RIPK4: variants seen among roughly 807,000 people sequenced by gnomAD.
RIPK4 encodes receptor interacting serine/threonine kinase 4.
Under a neutral mutation model 42.9 loss-of-function variants are expected in RIPK4, and 17 were observed. The observed-to-expected ratio is 0.40, with a 90% CI of 0.27 to 0.59. RIPK4 has a LOEUF of 0.59. RIPK4 is among the 20% of genes least tolerant of loss of function. The pLI, the probability that RIPK4 is intolerant of heterozygous loss-of-function variation, is 0.47. For synonymous variants in RIPK4, 498 were observed against 499.1 expected, an observed-to-expected ratio of 1.00 and a Z score of 0.03; for missense variants, 897 against 1,104.4, an observed-to-expected ratio of 0.81 and a Z score of 2.66.
intron 1 of RIPK4, among the ~76,000 whole-genome samples, chr21:41,761,637 C>G (rs2061220666): frequency 6.6e-6 from 1 of 152,184 alleles, no homozygotes; most frequent in Non-Finnish European, 1.5e-5. Flanking sequence ...AGAGGCCAGC[C>G]ATTCGCAAGG....
In RIPK4 at chr21:41,741,742, C is replaced by G; in HGVS notation, c.1451G>C (p.Arg484Pro). The G allele has an allele frequency of 1.2e-6, 2 of 1,612,492 alleles. No individual in the cohort carries two copies. Among genetic ancestry groups the G allele is most frequent in the Non-Finnish European group, 1.7e-6 (2 of 1,180,002 alleles). The change falls in exon 8 of 8, where the codon CGG becomes CCG. Residue 484 changes from arginine to proline, a missense_variant. By Grantham distance (103) the Arg-to-Pro change is moderately radical. Transcript: ENST00000332512. ...PLHMAVERRV[R>P]GVVELLLARK... is the part of the protein sequence containing the mutation. The stretch of plus-strand genomic sequence containing the variant: ...CGCCAGCAGGAGCTCCACGACACCC[C>G]GCACCCTCCTCTCCACGGCCATGTG...
At chr21:41,766,814 C>G in intron 1 of RIPK4, 46 bp downstream of exon 1, 1 of 1,570,284 alleles carries the variant, frequency 6.4e-7, no homozygotes, top group Non-Finnish European at 8.6e-7. Flanking sequence ...GACCCCGACC[C>G]CAGCCCGGGC....
In RIPK4 at chr21:41,744,163, G is replaced by A. The variant is rs537107292; in HGVS notation, c.937-23C>T. The A allele has an allele frequency of 1.2e-4, 185 of 1,557,320 alleles. 1 individual carries two copies. In the South Asian group the frequency reaches 2.1e-3, roughly 18 times the overall value. ...CACCTGCGAAGATGCAGAAGAGGGG[G>A]TGGGTGAAGACCCTGCCATAGACCG... On this transcript the variant is annotated intron_variant, in intron 6 of 7. Coordinates refer to ENST00000332512, the MANE Select transcript of RIPK4 (RefSeq NM_020639.3).
chr21:41,740,775 C>T lies in RIPK4; in HGVS notation c.*63G>A, dbSNP rs1184303193. The stretch of plus-strand genomic sequence containing the variant: ...GGCCCCACGCAGGATCGTTCCATCC[C>T]CACGAGGAACACAGGACAGGACAAG... On this transcript the variant is annotated 3_prime_UTR_variant, in exon 8 of 8. Coordinates refer to ENST00000332512, the MANE Select transcript of RIPK4 (RefSeq NM_020639.3). The T allele has an allele frequency of 2.7e-6, 4 of 1,481,332 alleles. No individual in the cohort carries two copies. The highest frequency in any genetic ancestry group is 2.7e-6 in the Non-Finnish European group (3 of 1,109,454). 91.8% of individuals were successfully genotyped at this position (1,481,332 alleles called of 1,614,324 possible).
Position 41,746,674 on chromosome 21 carries a change from G to A in RIPK4, c.771C>T (p.His257=), listed in dbSNP as rs775801568. ...VCRARPRACS[H]LIRLMQRCWQ... ...AGCACCGCTGCATGAGGCGTATCAG[G>A]TGGCTGCAGGCGCGCGGCCGGGCTC... Residue 257 remains histidine (H), a synonymous_variant, in exon 5 of 8, where the codon CAC becomes CAT. Coordinates refer to ENST00000332512, the MANE Select transcript of RIPK4 (RefSeq NM_020639.3). 1 of 1,611,280 alleles carries A rather than the reference G, an allele frequency of 6.2e-7. No homozygotes were observed. The highest frequency in any genetic ancestry group is 1.3e-5 in the African/African-American group (1 of 74,952).
chr21:41,741,577 G>T lies in RIPK4; in HGVS notation c.1616C>A (p.Thr539Lys). Residue 539 changes from threonine to lysine, a missense_variant, in exon 8 of 8, where the codon ACG becomes AAG. Transcript: ENST00000332512. ...SVNEVDFEGR[T>K]PMHVACQHGQ... The stretch of plus-strand genomic sequence containing the variant: ...GTGCTGGCAGGCCACGTGCATGGGC[G>T]TCCGGCCCTCAAAGTCCACCTCGTT... 1 of 1,611,782 alleles carries T rather than the reference G, an allele frequency of 6.2e-7. No homozygotes were observed. The highest frequency in any genetic ancestry group is 1.1e-5 in the South Asian group (1 of 91,088).
intron 3 of RIPK4, among the ~76,000 whole-genome samples, chr21:41,749,511 T>C (rs1256156863): frequency 1.3e-5 from 2 of 152,218 alleles, no homozygotes; most frequent in Non-Finnish European, 2.9e-5. Context: ...GAACAGCGCC[T>C]GTGTGCCTCA....
intron 1 of RIPK4, among the ~76,000 whole-genome samples, chr21:41,757,521 C>CA (rs1214240363): frequency 0.024 from 2,629 of 107,750 alleles, 70 homozygotes; most frequent in African/African-American, 0.08. Context: ...AACTCCATCT[C>CA]AAAAAAAAAA....
intron 1 of RIPK4, among the ~76,000 whole-genome samples, chr21:41,757,730 A>G (rs943080566): frequency 2.7e-5 from 4 of 150,664 alleles, no homozygotes; most frequent in Admixed American, 1.3e-4. Flanking sequence ...GCCGGGTGTG[A>G]TGGCTCATGC....
chr21:41,755,060 A>T lies in RIPK4; in HGVS notation c.474+1465T>A, dbSNP rs2061199241. Among the ~76,000 whole-genome samples the T allele has an allele frequency of 6.6e-6, 1 of 152,078 alleles. No individual in the cohort carries two copies. The highest frequency in any genetic ancestry group is 6.5e-5 in the Admixed American group (1 of 15,276). ...TGGACGGCAGAGCTTACTAGTCATT[A>T]GGGCCCCAGAGCCTGTGCTACCTAG... is the stretch of plus-strand genomic sequence containing the variant. On this transcript the variant is annotated intron_variant, in intron 2 of 7. Coordinates refer to ENST00000332512, the MANE Select transcript of RIPK4 (RefSeq NM_020639.3). This position sits in a 1 kb window ranked among gnomAD's most constrained non-coding sequence, Gnocchi z 4.2.
At chr21:41,754,589 T>A (rs1432115017) in intron 2 of RIPK4, among the ~76,000 whole-genome samples, 2 of 152,202 alleles carry the variant, frequency 1.3e-5, no homozygotes, top group Non-Finnish European at 2.9e-5. Context: ...CCCTGCTGCC[T>A]GCTGCCCCTG....
At position 41,751,976 on chromosome 21, in the gene RIPK4, GCAGGTCT is replaced by G. The variant is rs1236513486; in HGVS notation, c.475-738_475-732del. Reference sequence around the variant, plus strand: ...CCCTCAACGTCCGCATTCAGGGGAGGCAGGTCTCAGGTCTCCTTCGGGCAAAGGTGAC... The same window carrying G: ...CCCTCAACGTCCGCATTCAGGGGAGGCAGGTCTCCTTCGGGCAAAGGTGAC... On this transcript the variant is annotated intron_variant, in intron 2 of 7. Transcript: ENST00000332512. This position sits in a 1 kb window ranked among gnomAD's most constrained non-coding sequence, Gnocchi z 4.5. 1.3e-5 allele frequency among the ~76,000 whole-genome samples: 2 copies of G among 152,084 alleles called. No individual in the cohort carries two copies. Among genetic ancestry groups the G allele is most frequent in the Non-Finnish European group, 2.9e-5 (2 of 68,012 alleles).
chr21:41,741,653 T>A lies in RIPK4; in HGVS notation c.1540A>T (p.Asn514Tyr), dbSNP rs55829311. ...AGCCGTGTGCTAGACTCGTCCCCGT[T>A]CTGGGCTGCAAAGTGGAGGGCTGTC... ...QWTALHFAAQNGDESSTRLLL... is the reference protein window; with the variant it reads ...QWTALHFAAQYGDESSTRLLL... The change falls in exon 8 of 8, where the codon AAC becomes TAC. Residue 514 changes from asparagine to tyrosine, a missense_variant. Physicochemically the swap from Asn to Tyr is moderately radical, Grantham distance 143. Transcript: ENST00000332512. 2.1e-5 allele frequency: 34 copies of A among 1,613,678 alleles called. No individual in the cohort carries two copies. The East Asian group carries it at 7.1e-4, about 34-fold the overall frequency.
intron 1 of RIPK4, among the ~76,000 whole-genome samples, chr21:41,766,237 G>T (rs1186686457): frequency 6.6e-6 from 1 of 152,198 alleles, no homozygotes; most frequent in Non-Finnish European, 1.5e-5. Flanking sequence ...CCGAGCCCCG[G>T]AGCTCCACCG....
intron 1 of RIPK4, among the ~76,000 whole-genome samples, chr21:41,757,340 G>A (rs375045001): frequency 2.0e-5 from 3 of 152,100 alleles, no homozygotes; most frequent in African/African-American, 7.2e-5. Context: ...GGCCAACATA[G>A]TGGAACCCCC....
At position 41,751,487 on chromosome 21, in the gene RIPK4, G is replaced by C. The variant is rs563789795; in HGVS notation, c.475-242C>G. ...CATTTGACGGGCAGGTGAAAGAATC[G>C]TACTGTAAGGAAGGAGTTATCCGGG... On this transcript the variant is annotated intron_variant, in intron 2 of 7. Transcript: ENST00000332512. This position sits in a 1 kb window ranked among gnomAD's most constrained non-coding sequence, Gnocchi z 4.5. Among the ~76,000 whole-genome samples the C allele has an allele frequency of 6.6e-6, 1 of 152,218 alleles. No homozygotes were observed. Among genetic ancestry groups the C allele is most frequent in the African/African-American group, 2.4e-5 (1 of 41,472 alleles).
chr21:41,741,816 G>T lies in RIPK4; in HGVS notation c.1377C>A (p.Leu459=), dbSNP rs1350814652. 3 of 1,611,690 alleles carry T rather than the reference G, an allele frequency of 1.9e-6. No individual in the cohort carries two copies. The highest frequency in any genetic ancestry group is 2.5e-6 in the Non-Finnish European group (3 of 1,180,028). ...GQEECAKWLL[L]NNANPNLSNR... is the part of the protein sequence containing the mutation. ...TGCTCAGGTTGGGGTTGGCATTGTT[G>T]AGCAGCAGCCACTTGGCGCACTCCT... The change falls in exon 8 of 8, where the codon CTC becomes CTA. Residue 459 remains leucine (L), a synonymous_variant. Coordinates refer to ENST00000332512, the MANE Select transcript of RIPK4 (RefSeq NM_020639.3).
Position 41,750,154 on chromosome 21 carries a change from A to G in RIPK4, c.623+943T>C, listed in dbSNP as rs558430282. 5.3e-5 allele frequency among the ~76,000 whole-genome samples: 8 copies of G among 152,302 alleles called. No homozygotes were observed. In the South Asian group the frequency reaches 1.7e-3, roughly 32 times the overall value. On this transcript the variant is annotated intron_variant, in intron 3 of 7. Coordinates refer to ENST00000332512, the MANE Select transcript of RIPK4 (RefSeq NM_020639.3). The stretch of plus-strand genomic sequence containing the variant: ...AAAGCCCCAGCTAAGCACATGCACA[A>G]TGGCCACTGTCAAACCAGTCAGCCT...
chr21:41,759,192 A>G (rs1286966941), intron 1 of RIPK4, among the ~76,000 whole-genome samples: 2 of 152,070 alleles, frequency 1.3e-5, no homozygotes, highest in East Asian at 3.8e-4. Flanking sequence ...TCTACCTCCC[A>G]GGTTCAAGTG....
Sources: gnomAD v4.1 joint callset for allele counts (sites outside exome capture counted in the v4.1 genomes callset) on GRCh38, gnomAD v4.1.1 for gene constraint, Gnocchi (gnomAD v3.1) non-coding constraint, MANE v1.5 for transcripts, NCBI Gene and HGNC (gene_info 2026-07-23, HGNC 2026-07-21) for gene names.